The following CTPS2 variants were observed in gnomAD, a reference collection of about 807,000 sequenced individuals.
CTPS2 encodes the protein CTP synthase 2, also known as CTP synthase II.
In CTPS2, 19 loss-of-function variants were observed where a neutral mutation model predicts 46.8. The observed-to-expected ratio is 0.41, with a 90% CI of 0.28 to 0.60. The LOEUF is 0.60. Among genes scored for constraint, CTPS2 ranks in the 20% least tolerant of loss-of-function variants. The pLI, the probability that CTPS2 is intolerant of heterozygous loss-of-function variation, is 0.35. For synonymous variants in CTPS2, 151 were observed against 165.2 expected (o/e 0.91, Z 0.66); for missense variants, 286 against 447.6 (o/e 0.64, Z 3.26).
chrX:16,674,994 G>T (rs1413571162), intron 10 of CTPS2, among the ~76,000 whole-genome samples: 1 of 111,104 alleles, frequency 9.0e-6, no homozygotes, highest in Non-Finnish European at 1.9e-5. Flanking sequence ...AGCCAGGCAT[G>T]GTGGCTCATG....
rs143831880 is a variant in CTPS2, at chrX:16,683,157, G to A, written c.942C>T (p.Tyr314=). ...GTTCCAGGGCTTTGAACACAGAGGC[G>A]TAGCAGTCTCTGAGCTTGGTGTATT... ...VGKYTKLRDC[Y]ASVFKALEHS... Residue 314 remains tyrosine (Y), a synonymous_variant, in exon 9 of 19, where the codon TAC becomes TAT. Transcript: ENST00000359276. The A allele has an allele frequency of 8.5e-5, 103 of 1,207,828 alleles. No homozygotes were observed. Among genetic ancestry groups the A allele is most frequent in the Non-Finnish European group, 1.1e-4 (96 of 893,361 alleles).
intron 6 of CTPS2, among the ~76,000 whole-genome samples, chrX:16,692,671 A>G (rs1288267479): frequency 9.0e-6 from 1 of 111,455 alleles, no homozygotes; most frequent in African/African-American, 3.3e-5. Flanking sequence ...AGGCTAAGGG[A>G]ATAAGCCTTT....
intron 9 of CTPS2, among the ~76,000 whole-genome samples, chrX:16,680,268 G>T (rs1254895660): frequency 9.0e-6 from 1 of 111,592 alleles, no homozygotes; most frequent in African/African-American, 3.2e-5. Context: ...CTGTAAAAAT[G>T]ACTCTCCTGG....
chrX:16,672,463 A>T (rs952591792), intron 10 of CTPS2, among the ~76,000 whole-genome samples: 2 of 110,937 alleles, frequency 1.8e-5, no homozygotes, highest in Non-Finnish European at 3.8e-5. Context: ...TCTGTTACTC[A>T]AGGCGACCAT....
At chrX:16,593,904 C>CA (rs1400211915) in intron 17 of CTPS2, among the ~76,000 whole-genome samples, 2 of 110,827 alleles carry the variant, frequency 1.8e-5, no homozygotes, top group Non-Finnish European at 3.8e-5. Flanking sequence ...AAACAACAGC[C>CA]AAAAAAGCTG....
intron 13 of CTPS2, among the ~76,000 whole-genome samples, chrX:16,663,701 GA>G (rs1428178891): frequency 2.7e-5 from 3 of 110,992 alleles, no homozygotes; most frequent in Non-Finnish European, 5.7e-5. Flanking sequence ...CTTTAAAAAG[GA>G]AAAAAAGAAA....
intron 13 of CTPS2, among the ~76,000 whole-genome samples, chrX:16,644,115 T>C (rs1489161656): frequency 9.0e-6 from 1 of 110,871 alleles, no homozygotes; most frequent in Non-Finnish European, 1.9e-5. Context: ...AAAGGGACTT[T>C]GCAGATGTGA....
chrX:16,703,284 C>T (rs1312384475), intron 1 of CTPS2, among the ~76,000 whole-genome samples: 1 of 109,660 alleles, frequency 9.1e-6, no homozygotes, highest in Non-Finnish European at 1.9e-5. Context: ...GCCTCAGCCT[C>T]CCAAAGTGCT....
intron 13 of CTPS2, among the ~76,000 whole-genome samples, chrX:16,666,249 C>T (rs971996079): frequency 8.9e-6 from 1 of 112,028 alleles, no homozygotes; most frequent in East Asian, 2.8e-4. Context: ...AGAACTCGCT[C>T]TGTTAGTGGT....
intron 4 of CTPS2, among the ~76,000 whole-genome samples, chrX:16,696,860 A>G (rs2147368967): frequency 9.6e-6 from 1 of 104,075 alleles, no homozygotes; most frequent in South Asian, 4.2e-4. Flanking sequence ...AATGCCAGAC[A>G]TTGCAAAGTG....
intron 9 of CTPS2, among the ~76,000 whole-genome samples, chrX:16,680,234 A>C (rs1487403352): frequency 9.0e-6 from 1 of 111,695 alleles, no homozygotes; most frequent in Non-Finnish European, 1.9e-5. Flanking sequence ...GTCCCTCTCT[A>C]TCTATATTAG....
chrX:16,645,674 A>C (rs1336937399), intron 13 of CTPS2, among the ~76,000 whole-genome samples: 1 of 112,773 alleles, frequency 8.9e-6, no homozygotes, highest in African/African-American at 3.2e-5. Flanking sequence ...AGTAAAAGAA[A>C]GCTGCTATGG....
At chrX:16,665,837 G>A (rs770641536) in intron 13 of CTPS2, among the ~76,000 whole-genome samples, 1 of 112,044 alleles carries the variant, frequency 8.9e-6, no homozygotes, top group Admixed American at 9.5e-5. Flanking sequence ...TGCAACCAAC[G>A]CCTCCTGGGT....
At chrX:16,627,641 G>A (rs147245054) in intron 14 of CTPS2, among the ~76,000 whole-genome samples, 1,780 of 111,624 alleles carry the variant, frequency 0.016, 13 homozygotes, top group Non-Finnish European at 0.023. Context: ...AGCTTAAGCT[G>A]TGGCATTTCT....
intron 13 of CTPS2, chrX:16,651,028 G>A: frequency 8.3e-7 from 1 of 1,206,147 alleles, no homozygotes; most frequent in Non-Finnish European, 1.1e-6. Context: ...AAAGTCTCCT[G>A]AGGAACTGAA....
intron 9 of CTPS2, among the ~76,000 whole-genome samples, chrX:16,680,997 C>G (rs1922699476): frequency 8.9e-6 from 1 of 111,757 alleles, no homozygotes; most frequent in Non-Finnish European, 1.9e-5. Context: ...ACCAGCCTGG[C>G]CAACATGAAG....
chrX:16,635,470 C>T (rs764626218), intron 14 of CTPS2, among the ~76,000 whole-genome samples: 4 of 110,709 alleles, frequency 3.6e-5, no homozygotes, highest in Admixed American at 2.9e-4. Flanking sequence ...GTTGGGGGTT[C>T]GAGACCAGCC....
In CTPS2 at chrX:16,649,171, G is replaced by T. The variant is rs765985274; in HGVS notation, c.1297-9928C>A. On this transcript the variant is annotated intron_variant, in intron 13 of 18. Transcript: ENST00000359276. Reference sequence around the variant, plus strand: ...ATTTCCAACTGAACAAGAGTAAGTCGAGTGTTCTCACAAGTTTTTCGAATG... The same window carrying T: ...ATTTCCAACTGAACAAGAGTAAGTCTAGTGTTCTCACAAGTTTTTCGAATG... Among the ~76,000 whole-genome samples the T allele has an allele frequency of 4.5e-5, 5 of 112,273 alleles. No individual in the cohort carries two copies. In the East Asian group the frequency reaches 1.4e-3, roughly 31 times the overall value.
chrX:16,686,338 A>T (rs947965546), intron 8 of CTPS2, among the ~76,000 whole-genome samples: 2 of 111,926 alleles, frequency 1.8e-5, no homozygotes, highest in African/African-American at 6.5e-5. Flanking sequence ...TATCTCATGT[A>T]CCCTACAAAT....
Sources: gnomAD v4.1 joint callset for allele counts (sites outside exome capture counted in the v4.1 genomes callset) on GRCh38, gnomAD v4.1.1 for gene constraint, MANE v1.5 for transcripts, NCBI Gene and HGNC (gene_info 2026-07-23, HGNC 2026-07-21) for gene names.